The following MTRR variants were observed in gnomAD, a reference collection of about 807,000 sequenced individuals.
MTRR encodes methionine synthase reductase.
Under a neutral mutation model 79.2 loss-of-function variants are expected in MTRR, and 63 were observed. That is an observed-to-expected ratio of 0.80 (90% confidence interval 0.65 to 0.98). MTRR has a LOEUF of 0.98. Ranked by LOEUF, MTRR falls within the 50% of genes least tolerant of loss-of-function variation. The probability of loss-of-function intolerance (pLI) is 0.00; values close to 1 mark genes in which losing one functional copy is unlikely to be tolerated. For missense variants in MTRR, 895 were observed against 839.6 expected, an observed-to-expected ratio of 1.07 and a Z score of -0.82; for synonymous variants, 355 against 313.3, an observed-to-expected ratio of 1.13 and a Z score of -1.41.
rs1737175886 is a variant in MTRR at position 7,889,394 on chromosome 5, G to T, written c.1327+119G>T. ...TTACCCTTTGTATCCTATGCCTAAA[G>T]AATATATCTAAATGAATGGTGGTGA... is the stretch of plus-strand genomic sequence containing the variant. On this transcript the variant is annotated intron_variant, in intron 9 of 14. Transcript: ENST00000440940. 6 of 1,038,930 alleles carry T rather than the reference G, an allele frequency of 5.8e-6. No homozygotes were observed. The Admixed American group carries it at 1.2e-4, about 21-fold the overall frequency. 64.4% of individuals were successfully genotyped at this position (1,038,930 alleles called of 1,614,324 possible).
intron 6 of MTRR, among the ~76,000 whole-genome samples, chr5:7,884,223 CA>C (rs1487993487): frequency 1.3e-5 from 2 of 152,122 alleles, no homozygotes; most frequent in African/African-American, 4.8e-5. Context: ...GTTAATTCCT[CA>C]GAGCAGTGGT....
intron 14 of MTRR, among the ~76,000 whole-genome samples, chr5:7,897,712 C>G (rs1004410151): frequency 1.3e-5 from 2 of 152,284 alleles, no homozygotes; most frequent in South Asian, 4.1e-4. Flanking sequence ...TTGAAACGTT[C>G]TGTGTTACTG....
chr5:7,872,053 T>A (rs1324869298), intron 2 of MTRR, among the ~76,000 whole-genome samples: 1 of 152,188 alleles, frequency 6.6e-6, no homozygotes, highest in Non-Finnish European at 1.5e-5. Context: ...CCTCCCTGGC[T>A]GATGGTTTCG....
At chr5:7,869,287 C>T in intron 1 of MTRR, 72 bp downstream of exon 1, 1 of 1,576,078 alleles carries the variant, frequency 6.3e-7, no homozygotes. Flanking sequence ...GGAGAGGCGG[C>T]CCGGGGCGGG....
chr5:7,880,205 C>T (rs1160458509), intron 5 of MTRR, among the ~76,000 whole-genome samples: 11 of 152,226 alleles, frequency 7.2e-5, no homozygotes, highest in African/African-American at 1.2e-4. Flanking sequence ...TCTGATAGCA[C>T]GATGCCCCTG....
upstream of MTRR, chr5:7,865,787 A>C: frequency 1.3e-6 from 1 of 779,506 alleles, no homozygotes; most frequent in South Asian, 2.0e-5. Flanking sequence ...ACTGACTCCA[A>C]GTAAATGAAA....
At chr5:7,867,518 T>C (rs546767063), upstream of MTRR, 103 of 1,614,264 alleles carry the variant, frequency 6.4e-5, no homozygotes, top group Admixed American at 1.3e-3. Flanking sequence ...AGGATCCACA[T>C]GCAACAGAAT....
intron 2 of MTRR, chr5:7,872,372 A>G (rs1348139179): frequency 5.8e-6 from 2 of 344,694 alleles, no homozygotes; most frequent in Non-Finnish European, 1.1e-5. Flanking sequence ...AAGAAACTTG[A>G]TTTGTAAGAG....
upstream of MTRR, chr5:7,868,149 G>T: frequency 9.7e-6 from 7 of 721,304 alleles, no homozygotes; most frequent in Non-Finnish European, 5.9e-6. Context: ...AATACATTGA[G>T]AACATGATTG....
At chr5:7,874,588 CTTTT>C (rs5865743) in intron 3 of MTRR, among the ~76,000 whole-genome samples, 13 of 108,160 alleles carry the variant, frequency 1.2e-4, no homozygotes, top group Non-Finnish European at 1.1e-4. Flanking sequence ...GGGATTTAAG[CTTTT>C]TTTTTTTTTT....
chr5:7,880,694 TG>T (rs1451910040), intron 5 of MTRR, among the ~76,000 whole-genome samples: 2 of 152,202 alleles, frequency 1.3e-5, no homozygotes, highest in Admixed American at 6.5e-5. Context: ...GACTTCTTCT[TG>T]GCCCTCCCCA....
At chr5:7,893,189 T>C (rs907752839) in intron 11 of MTRR, 2 of 444,446 alleles carry the variant, frequency 4.5e-6, no homozygotes, top group Admixed American at 3.7e-5. Context: ...TATGTTGATA[T>C]TCTTGGTACA....
intron 1 of MTRR, chr5:7,861,822 T>C (rs747798900): frequency 1.8e-5 from 24 of 1,328,934 alleles, no homozygotes; most frequent in Admixed American, 3.1e-5. Context: ...TTTAATTCAA[T>C]TGGCTTTATG....
chr5:7,892,006 C>A (rs901615423), intron 10 of MTRR, among the ~76,000 whole-genome samples: 11 of 152,056 alleles, frequency 7.2e-5, no homozygotes, highest in Non-Finnish European at 1.5e-4. Flanking sequence ...CGAGCCACTG[C>A]ACTCCAGCCT....
At chr5:7,872,087 C>T in intron 2 of MTRR, 1 of 248,978 alleles carries the variant, frequency 4.0e-6, no homozygotes, top group South Asian at 4.2e-5. Flanking sequence ...AATCTAATAT[C>T]CTTCCTATTT....
At chr5:7,879,669 G>A (rs1561195490) in intron 5 of MTRR, among the ~76,000 whole-genome samples, 1 of 152,146 alleles carries the variant, frequency 6.6e-6, no homozygotes, top group Non-Finnish European at 1.5e-5. Flanking sequence ...TGGGACCATT[G>A]CCTTGAGGCA....
At chr5:7,861,154 C>A in intron 1 of MTRR, 1 of 1,591,606 alleles carries the variant, frequency 6.3e-7, no homozygotes, top group Middle Eastern at 1.7e-4. Context: ...CGTACCTGAA[C>A]AACTTGATAA....
At chr5:7,878,577 C>T (rs1734975849) in intron 5 of MTRR, among the ~76,000 whole-genome samples, 1 of 152,258 alleles carries the variant, frequency 6.6e-6, no homozygotes, top group African/African-American at 2.4e-5. Flanking sequence ...ATGCCTAAGG[C>T]ATTTGGCCCC....
chr5:7,852,752 T>A (rs74877926), intron 1 of MTRR, among the ~76,000 whole-genome samples: 4 of 147,332 alleles, frequency 2.7e-5, no homozygotes, highest in Non-Finnish European at 6.0e-5. Context: ...TTTTTTTTTT[T>A]AAGCCCTTAT....
Sources: gnomAD v4.1 joint callset for allele counts (sites outside exome capture counted in the v4.1 genomes callset) on GRCh38, gnomAD v4.1.1 for gene constraint, MANE v1.5 for transcripts, NCBI Gene and HGNC (gene_info 2026-07-23, HGNC 2026-07-21) for gene names.